MAPK8: variants seen among roughly 807,000 people sequenced by gnomAD.
MAPK8 encodes the protein mitogen-activated protein kinase 8.
A neutral mutation model predicts 52.9 loss-of-function variants in MAPK8; 13 were observed. The ratio of observed to expected loss-of-function variants is 0.25; its 90% CI spans 0.16 to 0.39. The LOEUF (loss-of-function observed/expected upper bound fraction) is 0.39, where lower values mean the gene tolerates loss of function less well. MAPK8 is among the 10% of genes least tolerant of loss of function. MAPK8 has a pLI of 1.00. For synonymous variants in MAPK8, 191 were observed against 169.8 expected (o/e 1.12, Z -0.97); for missense variants, 300 against 519.2 (o/e 0.58, Z 4.10).
At chr10:48,410,813 C>G (rs1474306287) in intron 5 of MAPK8, among the ~76,000 whole-genome samples, 1 of 152,150 alleles carries the variant, frequency 6.6e-6, no homozygotes, top group Non-Finnish European at 1.5e-5. Context: ...TTTTTAAATT[C>G]TAGCCATCCT....
chr10:48,400,440 GT>G (rs1381245864), intron 1 of MAPK8, among the ~76,000 whole-genome samples: 1 of 152,018 alleles, frequency 6.6e-6, no homozygotes, highest in East Asian at 1.9e-4. Flanking sequence ...TTTCATCTGA[GT>G]CATTATAATA....
intron 1 of MAPK8, among the ~76,000 whole-genome samples, chr10:48,335,733 T>C (rs2132288912): frequency 6.6e-6 from 1 of 152,338 alleles, no homozygotes; most frequent in East Asian, 1.9e-4. Flanking sequence ...GCCCCTGTAC[T>C]TCAGTATATA....
At position 48,366,052 on chromosome 10, in the gene MAPK8, G is replaced by GT. The variant is rs941906853; in HGVS notation, c.-49-35550dup. On this transcript the variant is annotated intron_variant, in intron 1 of 11. Coordinates refer to ENST00000374189, the MANE Select transcript of MAPK8 (RefSeq NM_001323329.2). ...AATGAGAAAATTCTTTTAGAATTCA[G>GT]TTTTTTTTTTCTTAATTTGAAGTCA... Among the ~76,000 whole-genome samples, 1,391 of 148,852 alleles carry GT rather than the reference G, an allele frequency of 9.3e-3. 21 individuals are homozygous for GT. The highest frequency in any genetic ancestry group is 0.031 in the African/African-American group (1,280 of 40,786).
rs576924405 is a variant in MAPK8, at chr10:48,383,909, A to T, written c.-49-17703A>T. Among the ~76,000 whole-genome samples the T allele has an allele frequency of 2.8e-4, 43 of 152,354 alleles. No individual in the cohort carries two copies. The South Asian group carries it at 8.5e-3, about 30-fold the overall frequency. On this transcript the variant is annotated intron_variant, in intron 1 of 11. Coordinates refer to ENST00000374189, the MANE Select transcript of MAPK8 (RefSeq NM_001323329.2). ...AATATGTAGAAAAAATATATAACTC[A>T]AAAGTCCAGAGCTGAAATCCAAGGA...
At chr10:48,414,352 A>G (rs1293328801) in intron 5 of MAPK8, among the ~76,000 whole-genome samples, 2 of 152,028 alleles carry the variant, frequency 1.3e-5, no homozygotes, top group Non-Finnish European at 2.9e-5. Flanking sequence ...TATTACAGGT[A>G]ATGCTGACAT....
intron 5 of MAPK8, among the ~76,000 whole-genome samples, chr10:48,410,862 C>T (rs1419911463): frequency 1.3e-5 from 2 of 152,184 alleles, no homozygotes; most frequent in Non-Finnish European, 2.9e-5. Context: ...TTTTACTTTG[C>T]ATCTCCCTAA....
intron 2 of MAPK8, among the ~76,000 whole-genome samples, chr10:48,404,606 G>A (rs1216727111): frequency 6.6e-6 from 1 of 152,158 alleles, no homozygotes; most frequent in Admixed American, 6.5e-5. Flanking sequence ...GCAACACAAC[G>A]AACATGCAGG....
rs114645535 is a variant in MAPK8 at position 48,334,412 on chromosome 10, T to G, written c.-50+27591T>G. On this transcript the variant is annotated intron_variant, in intron 1 of 11. Transcript: ENST00000374189. The stretch of plus-strand genomic sequence containing the variant: ...GCAGATTGGGACTCTGCACTTGCCT[T>G]ATATCTGGGATACGTCTCAGTCACA... Among the ~76,000 whole-genome samples the G allele has an allele frequency of 8.3e-3, 1,264 of 152,130 alleles. 19 individuals are homozygous for G. The highest frequency in any genetic ancestry group is 0.029 in the African/African-American group (1,208 of 41,516).
chr10:48,377,503 G>A (rs184800182), intron 1 of MAPK8, among the ~76,000 whole-genome samples: 1 of 152,248 alleles, frequency 6.6e-6, no homozygotes, highest in East Asian at 1.9e-4. Context: ...TGTGACTGTG[G>A]TGTGTGAGCC....
intron 1 of MAPK8, among the ~76,000 whole-genome samples, chr10:48,335,536 G>C (rs1844602160): frequency 6.6e-6 from 1 of 152,104 alleles, no homozygotes; most frequent in South Asian, 2.1e-4. Context: ...TCACTTGATA[G>C]TTTTAATTTT....
intron 6 of MAPK8, among the ~76,000 whole-genome samples, chr10:48,421,817 G>A (rs2043374079): frequency 6.6e-6 from 1 of 151,858 alleles, no homozygotes; most frequent in Admixed American, 6.6e-5. Flanking sequence ...AAATAAAATA[G>A]AATAAAAAAT....
chr10:48,426,594 TA>T (rs2043697758), intron 9 of MAPK8, 90 bp downstream of exon 9: 1 of 1,199,762 alleles, frequency 8.3e-7, no homozygotes, highest in African/African-American at 1.6e-5. Context: ...TAATTTTAAA[TA>T]AAAATGTAGA....
intron 2 of MAPK8, 40 bp downstream of exon 2, chr10:48,401,822 A>G: frequency 1.5e-6 from 2 of 1,365,542 alleles, no homozygotes; most frequent in Non-Finnish European, 1.9e-6. Flanking sequence ...AGAATCATTA[A>G]CTGCTACCTT....
chr10:48,367,543 A>C (rs1848164116), intron 1 of MAPK8, among the ~76,000 whole-genome samples: 1 of 152,084 alleles, frequency 6.6e-6, no homozygotes, highest in Admixed American at 6.6e-5. Flanking sequence ...TCTATCTTGC[A>C]GACAAAGATA....
At chr10:48,310,663 C>T (rs567683965) in intron 1 of MAPK8, among the ~76,000 whole-genome samples, 1 of 152,124 alleles carries the variant, frequency 6.6e-6, no homozygotes, top group East Asian at 1.9e-4. Context: ...AAAGGGTTCC[C>T]GCCAAACAAA....
intron 1 of MAPK8, among the ~76,000 whole-genome samples, chr10:48,335,597 CTT>C (rs1844609861): frequency 6.6e-6 from 1 of 152,122 alleles, no homozygotes. Context: ...GATAGGCACA[CTT>C]TGTTCATTTT....
intron 1 of MAPK8, among the ~76,000 whole-genome samples, chr10:48,319,642 A>C (rs953941519): frequency 2.0e-5 from 3 of 152,050 alleles, no homozygotes; most frequent in Non-Finnish European, 2.9e-5. Flanking sequence ...GGTGCCTGCC[A>C]CTAGGCCTGG....
intron 10 of MAPK8, among the ~76,000 whole-genome samples, chr10:48,429,699 GCTTT>G (rs61564852): frequency 0.095 from 14,418 of 152,008 alleles, 702 homozygotes; most frequent in Non-Finnish European, 0.11. Flanking sequence ...CTTTATCAGT[GCTTT>G]CTATTTTTCT....
rs145605512 is a variant in MAPK8, at chr10:48,393,793, T to G, written c.-49-7819T>G. Among the ~76,000 whole-genome samples the G allele has an allele frequency of 2.8e-3, 423 of 151,980 alleles. 1 individual carries two copies. The highest frequency in any genetic ancestry group is 9.4e-3 in the African/African-American group (389 of 41,520). ...CATTTTAAGAAACTAAAAGAAAGAA[T>G]AGCTCCAAAACAAGCAATGAGAAGA... On this transcript the variant is annotated intron_variant, in intron 1 of 11. Transcript: ENST00000374189.
Sources: allele counts gnomAD v4.1 joint callset (sites outside exome capture counted in the v4.1 genomes callset), GRCh38; gene constraint gnomAD v4.1.1; transcripts MANE v1.5; gene names NCBI Gene and HGNC (gene_info 2026-07-23, HGNC 2026-07-21).